Variants in CACNB2 observed in about 807,000 individuals in gnomAD.
CACNB2 encodes calcium voltage-gated channel auxiliary subunit beta 2.
In CACNB2, 42 loss-of-function variants were observed where a neutral mutation model predicts 73.3. That is an observed-to-expected ratio of 0.57 (90% CI 0.45 to 0.74). The LOEUF is 0.74. CACNB2 is among the 30% of genes least tolerant of loss of function. The pLI is 0.00. For missense variants in CACNB2, 940 were observed against 853.0 expected (o/e 1.10, Z -1.27); for synonymous variants, 348 against 310.3 (o/e 1.12, Z -1.28).
chr10:18,462,719 TAG>T (rs1350475426), intron 3 of CACNB2, among the ~76,000 whole-genome samples: 3 of 152,124 alleles, frequency 2.0e-5, no homozygotes, highest in Non-Finnish European at 4.4e-5. Context: ...TTTCATTTTT[TAG>T]TATTTTATAT....
At chr10:18,303,999 A>G (rs1056638540) in intron 2 of CACNB2, among the ~76,000 whole-genome samples, 11 of 152,222 alleles carry the variant, frequency 7.2e-5, no homozygotes, top group Non-Finnish European at 1.6e-4. Flanking sequence ...TCTGTCATCC[A>G]GGCTGGAGTG....
intron 6 of CACNB2, among the ~76,000 whole-genome samples, chr10:18,512,728 A>T (rs1234595053): frequency 6.6e-6 from 1 of 152,196 alleles, no homozygotes; most frequent in African/African-American, 2.4e-5. Context: ...ATGCTTTGGG[A>T]TTCGGCAAAC....
chr10:18,321,965 C>A (rs944659649), intron 2 of CACNB2, among the ~76,000 whole-genome samples: 2 of 152,082 alleles, frequency 1.3e-5, no homozygotes, highest in Non-Finnish European at 2.9e-5. Context: ...CCAGCCTGAA[C>A]AACATAGCAA....
In CACNB2 at chr10:18,288,738, C is replaced by G. The variant is rs567450411; in HGVS notation, c.214-113186C>G. ...CCAGTAGATGCAGAATCAAGGCACT[C>G]TTTTATTTAAAAAATCCTTTTCTCT... On this transcript the variant is annotated intron_variant, in intron 2 of 13. Coordinates refer to ENST00000324631, the MANE Select transcript of CACNB2 (RefSeq NM_201596.3). 4.9e-5 allele frequency among the ~76,000 whole-genome samples: 7 copies of G among 143,784 alleles called. No homozygotes were observed. The South Asian group carries it at 1.6e-3, about 33-fold the overall frequency. The allele number at this position is 143,784 out of a possible 152,430, so 94.3% of individuals were successfully genotyped here. A position where few individuals can be genotyped will look rare whatever the true frequency, so the allele number is the denominator to read the frequency against.
At chr10:18,317,413 C>T (rs1262535438) in intron 2 of CACNB2, among the ~76,000 whole-genome samples, 1 of 152,040 alleles carries the variant, frequency 6.6e-6, no homozygotes, top group Non-Finnish European at 1.5e-5. Flanking sequence ...TTTGGGACTC[C>T]AGTGTTCATT....
intron 2 of CACNB2, among the ~76,000 whole-genome samples, chr10:18,159,055 C>T (rs1191725128): frequency 6.6e-6 from 1 of 152,070 alleles, no homozygotes; most frequent in Non-Finnish European, 1.5e-5. Flanking sequence ...GTTTTGTCTT[C>T]TTTTTCTTTT....
At chr10:18,197,683 T>C (rs1277726) in intron 2 of CACNB2, among the ~76,000 whole-genome samples, 135,630 of 152,142 alleles carry the variant, frequency 0.89, 60,669 homozygotes, top group African/African-American at 0.93. Flanking sequence ...ATTCCCATAG[T>C]CAGAGCATTG....
At chr10:18,527,871 A>G (rs1020079960) in intron 10 of CACNB2, among the ~76,000 whole-genome samples, 174 bp downstream of exon 10, 13 of 152,334 alleles carry the variant, frequency 8.5e-5, no homozygotes, top group African/African-American at 3.1e-4. Context: ...AGGATTTGTT[A>G]TGATAGTTTC....
intron 8 of CACNB2, 114 bp from the exon 9 acceptor site, chr10:18,518,796 C>A: frequency 1.0e-6 from 1 of 959,092 alleles, no homozygotes; most frequent in Non-Finnish European, 1.7e-6. Context: ...TATTGCCACT[C>A]TTTCCAGATG....
At chr10:18,255,782 G>A (rs1430058555) in intron 2 of CACNB2, among the ~76,000 whole-genome samples, 1 of 152,160 alleles carries the variant, frequency 6.6e-6, no homozygotes, top group Non-Finnish European at 1.5e-5. Flanking sequence ...GTCAGAAGAC[G>A]GACCCTTCTT....
chr10:18,468,896 G>GCCCCCAGC (rs2048037140), intron 3 of CACNB2, among the ~76,000 whole-genome samples: 1 of 152,190 alleles, frequency 6.6e-6, no homozygotes, highest in Non-Finnish European at 1.5e-5. Context: ...ACCATGCCTG[G>GCCCCCAGC]CCATGCATCT....
intron 2 of CACNB2, among the ~76,000 whole-genome samples, chr10:18,365,251 C>G (rs2042301069): frequency 6.6e-6 from 1 of 152,168 alleles, no homozygotes; most frequent in Non-Finnish European, 1.5e-5. Context: ...TTTCAGCATG[C>G]AATCAAGCTG....
At chr10:18,371,185 TGTTAA>T (rs1317332946) in intron 2 of CACNB2, among the ~76,000 whole-genome samples, 6 of 151,046 alleles carry the variant, frequency 4.0e-5, no homozygotes, top group African/African-American at 1.5e-4. Context: ...TTCTGATTAC[TGTTAA>T]GTTTACTGTT....
At chr10:18,486,760 G>C (rs563111070) in intron 3 of CACNB2, among the ~76,000 whole-genome samples, 81 of 152,318 alleles carry the variant, frequency 5.3e-4, no homozygotes, top group African/African-American at 1.9e-3. Context: ...CATGGAGAAG[G>C]TGGGAAATTT....
chr10:18,283,915 G>C (rs930550350), intron 2 of CACNB2, among the ~76,000 whole-genome samples: 1 of 152,138 alleles, frequency 6.6e-6, no homozygotes. Context: ...ATGCAAAGAA[G>C]ATTGATTTTG....
chr10:18,464,300 A>C (rs2047743277), intron 3 of CACNB2, among the ~76,000 whole-genome samples: 1 of 150,526 alleles, frequency 6.6e-6, no homozygotes, highest in African/African-American at 2.4e-5. Context: ...CATGCTTGCT[A>C]CTTGGGAGGC....
intron 2 of CACNB2, among the ~76,000 whole-genome samples, chr10:18,384,805 A>G (rs1196167807): frequency 2.0e-5 from 3 of 151,906 alleles, no homozygotes; most frequent in African/African-American, 7.3e-5. Context: ...TGGTAAAAAA[A>G]AAAAAAATCA....
intron 2 of CACNB2, among the ~76,000 whole-genome samples, chr10:18,251,265 G>A (rs2037078131): frequency 6.7e-6 from 1 of 149,846 alleles, no homozygotes; most frequent in Admixed American, 6.6e-5. Flanking sequence ...CTTTTTTTGA[G>A]ATGGAGTTTC....
chr10:18,448,406 C>T lies in CACNB2; in HGVS notation c.333+46363C>T, dbSNP rs542078601. 4.3e-4 allele frequency among the ~76,000 whole-genome samples: 58 copies of T among 135,388 alleles called. 1 individual carries two copies. The highest frequency in any genetic ancestry group is 4.2e-3 in the Middle Eastern group (1 of 238). The allele number at this position is 135,388 out of a possible 152,430, so 88.8% of individuals were successfully genotyped here. On this transcript the variant is annotated intron_variant, in intron 3 of 13. Coordinates refer to ENST00000324631, the MANE Select transcript of CACNB2 (RefSeq NM_201596.3). The stretch of plus-strand genomic sequence containing the variant: ...AGGAGAATCACCTGAACCTGGGAGG[C>T]GGAGGTTGCGGTGAGCTGAGATTGT...
Sources: gnomAD v4.1 joint callset for allele counts (sites outside exome capture counted in the v4.1 genomes callset) on GRCh38, gnomAD v4.1.1 for gene constraint, MANE v1.5 for transcripts, NCBI Gene and HGNC (gene_info 2026-07-23, HGNC 2026-07-21) for gene names.